The following NUP98 variants were observed in gnomAD, a reference collection of about 807,000 sequenced individuals.
NUP98 encodes nucleoporin 98 and 96 precursor, also known as nuclear pore complex protein Nup98-Nup96.
In NUP98, 26 loss-of-function variants were observed where a neutral mutation model predicts 191.9. The ratio of observed to expected loss-of-function variants is 0.14; its 90% confidence interval spans 0.10 to 0.19. The LOEUF is 0.19. Among genes scored for constraint, NUP98 ranks in the 10% least tolerant of loss-of-function variants. The pLI, the probability that NUP98 is intolerant of heterozygous loss-of-function variation, is 1.00. For synonymous variants in NUP98, 808 were observed against 778.4 expected (o/e 1.04, Z -0.63); for missense variants, 1,941 against 2,178.8 (o/e 0.89, Z 2.17).
At chr11:3,784,798 C>T (rs1430211373) in intron 1 of NUP98, among the ~76,000 whole-genome samples, 1 of 151,698 alleles carries the variant, frequency 6.6e-6, no homozygotes, top group Non-Finnish European at 1.5e-5. Flanking sequence ...ATGTCTAGGG[C>T]TGGGGTACAG....
Position 3,723,216 on chromosome 11 carries a change from T to G in NUP98, c.2087A>C (p.Glu696Ala), listed in dbSNP as rs750587112. Residue 696 changes from glutamate (E) to alanine (A), a missense_variant, in exon 16 of 33, where the codon GAG becomes GCG. Glu to Ala is a moderately radical substitution (Grantham distance 107, BLOSUM62 -1). Around this residue, in one of 6 missense-constraint regions of NUP98, gnomAD observed 453 missense variants for 438.2 expected, o/e 1.03. Transcript: ENST00000324932. ...GSSEETSFHDESLQDDREEIE... is the reference protein window; with the variant it reads ...GSSEETSFHDASLQDDREEIE... ...TTCTTCTCGGTCATCCTGAAGTGAC[T>G]CATCATGAAAAGACGTTTCTTCACT... The G allele has an allele frequency of 5.1e-5, 83 of 1,614,012 alleles. No individual in the cohort carries two copies. The highest frequency in any genetic ancestry group is 1.5e-5 in the Non-Finnish European group (18 of 1,180,028).
chr11:3,679,562 T>G lies in NUP98; in HGVS notation c.5065A>C (p.Ile1689Leu). 1 of 1,614,186 alleles carries G rather than the reference T, an allele frequency of 6.2e-7. No homozygotes were observed. Among genetic ancestry groups the G allele is most frequent in the Non-Finnish European group, 8.5e-7 (1 of 1,180,026 alleles). ...TTCAGGATCTCAGGTACCTGCTGTA[T>G]ATGGCGGAGCATTTCAATGACTCTA... Reference protein sequence around the residue: ...YIRVIEMLRHIQQVDCSGNDL... With the variant: ...YIRVIEMLRHLQQVDCSGNDL... Residue 1689 changes from isoleucine to leucine, a missense_variant, in exon 31 of 33, where the codon ATA becomes CTA. By Grantham distance (5) the Ile-to-Leu change is conservative. Coordinates refer to ENST00000324932, the MANE Select transcript of NUP98 (RefSeq NM_016320.5).
chr11:3,771,921 C>T lies in NUP98; in HGVS notation c.611G>A (p.Arg204His). The stretch of plus-strand genomic sequence containing the variant: ...CCTGTTAGCCTGATAATCCTCTAAA[C>T]GAAGTTCCTGAAGGGAGGGAAAACA... The part of the protein sequence containing the change: ...EYESKSLEEL[R>H]LEDYQANRKG... The change falls in exon 7 of 33, where the codon CGT becomes CAT. Residue 204 changes from arginine to histidine, a missense_variant. Arg to His is a conservative substitution (Grantham distance 29). Around this residue, in one of 6 missense-constraint regions of NUP98, gnomAD observed 28 missense variants for 74.0 expected, o/e 0.38. Coordinates refer to ENST00000324932, the MANE Select transcript of NUP98 (RefSeq NM_016320.5). 6.2e-7 allele frequency: 1 copy of T among 1,613,074 alleles called. No homozygotes were observed. Among genetic ancestry groups the T allele is most frequent in the Non-Finnish European group, 8.5e-7 (1 of 1,179,422 alleles).
intron 20 of NUP98, chr11:3,711,791 T>TC (rs2079028892): frequency 2.2e-6 from 2 of 922,156 alleles, no homozygotes; most frequent in Non-Finnish European, 2.6e-6. Context: ...TACCCTCCCC[T>TC]CCCCTGTACG....
At chr11:3,757,401 C>T (rs527732105) in intron 10 of NUP98, among the ~76,000 whole-genome samples, 2 of 151,602 alleles carry the variant, frequency 1.3e-5, no homozygotes, top group Non-Finnish European at 2.9e-5. Context: ...GTGGGAGGAT[C>T]ACTTGAGCCC....
chr11:3,777,099 C>T (rs1302142339), intron 4 of NUP98, among the ~76,000 whole-genome samples: 1 of 152,072 alleles, frequency 6.6e-6, no homozygotes, highest in Admixed American at 6.5e-5. Flanking sequence ...TTAGAATATA[C>T]AAGTGGTCCT....
Position 3,793,972 on chromosome 11 carries a change from A to AAAATAAAT in NUP98, c.-29+3420_-29+3427dup, listed in dbSNP as rs75347478. On this transcript the variant is annotated intron_variant, in intron 1 of 32. Transcript: ENST00000324932. ...CAACAAGAGCGAAACTCTGTCTCAA[A>AAAATAAAT]AAATAAATAAATAAATAAATACATG... is the stretch of plus-strand genomic sequence containing the variant. Among the ~76,000 whole-genome samples, 420 of 151,998 alleles carry AAAATAAAT rather than the reference A, an allele frequency of 2.8e-3. 4 individuals carry two copies. The highest frequency in any genetic ancestry group is 9.1e-3 in the African/African-American group (375 of 41,420).
At chr11:3,762,864 C>T in intron 9 of NUP98, 38 bp downstream of exon 9, 2 of 1,602,520 alleles carry the variant, frequency 1.2e-6, no homozygotes. Context: ...AACAAATTTA[C>T]ACACATCTTC....
At chr11:3,747,523 T>C (rs1294534153) in intron 11 of NUP98, among the ~76,000 whole-genome samples, 1 of 152,202 alleles carries the variant, frequency 6.6e-6, no homozygotes, top group Non-Finnish European at 1.5e-5. Flanking sequence ...CATGAGTTAA[T>C]GAATGTTTCT....
At chr11:3,783,307 G>C (rs2082037582) in intron 1 of NUP98, among the ~76,000 whole-genome samples, 1 of 152,176 alleles carries the variant, frequency 6.6e-6, no homozygotes, top group Non-Finnish European at 1.5e-5. Context: ...AGGAGCGCTT[G>C]AGCCCAGAAG....
chr11:3,779,293 G>C (rs751105112), intron 2 of NUP98, 36 bp from the exon 3 acceptor site: 3 of 1,460,736 alleles, frequency 2.1e-6, no homozygotes, highest in Admixed American at 3.4e-5. Context: ...TTAGAATTTA[G>C]AATAAAATCT....
rs79676225 is a variant in NUP98 at position 3,790,823 on chromosome 11, A to G, written c.-29+6577T>C. ...ACTTCTGCTTACTGAAATACAAAGG[A>G]TATCAAGGGGCAAACCACCTGTAAT... On this transcript the variant is annotated intron_variant, in intron 1 of 32. Coordinates refer to ENST00000324932, the MANE Select transcript of NUP98 (RefSeq NM_016320.5). 4.0e-3 allele frequency among the ~76,000 whole-genome samples: 612 copies of G among 152,298 alleles called. 2 individuals carry two copies. Among genetic ancestry groups the G allele is most frequent in the African/African-American group, 0.014 (575 of 41,568 alleles).
At chr11:3,769,217 G>A (rs1005300347) in intron 7 of NUP98, among the ~76,000 whole-genome samples, 1 of 152,140 alleles carries the variant, frequency 6.6e-6, no homozygotes, top group African/African-American at 2.4e-5. Context: ...TTGAGGACAG[G>A]AGTTCCTGAA....
chr11:3,748,787 T>G (rs1436642799), intron 11 of NUP98, among the ~76,000 whole-genome samples: 1 of 152,188 alleles, frequency 6.6e-6, no homozygotes, highest in Non-Finnish European at 1.5e-5. Flanking sequence ...GAAACCATTA[T>G]TTGATTTCAG....
chr11:3,795,675 TA>T (rs1270143048), intron 1 of NUP98, among the ~76,000 whole-genome samples: 3 of 151,956 alleles, frequency 2.0e-5, no homozygotes, highest in African/African-American at 4.8e-5. Flanking sequence ...CCAGCCTAAT[TA>T]AAAAAACAGC....
At chr11:3,691,587 T>A in intron 27 of NUP98, 98 bp from the exon 28 acceptor site, 1 of 1,203,038 alleles carries the variant, frequency 8.3e-7, no homozygotes, top group Admixed American at 2.2e-5. Flanking sequence ...GCAGTCTCAC[T>A]CTGTCACCCA....
At chr11:3,759,061 C>T (rs1258046760) in intron 10 of NUP98, among the ~76,000 whole-genome samples, 1 of 152,216 alleles carries the variant, frequency 6.6e-6, no homozygotes, top group East Asian at 1.9e-4. Context: ...TGATCTCTTT[C>T]TCCAGTACAG....
At chr11:3,702,952 T>C in intron 22 of NUP98, 60 bp from the exon 23 acceptor site, 1 of 1,356,760 alleles carries the variant, frequency 7.4e-7, no homozygotes. Context: ...CTATTGTTTC[T>C]TGAACAATAA....
Position 3,742,414 on chromosome 11 carries a change from G to A in NUP98, c.1408+2095C>T, listed in dbSNP as rs548498536. 3.3e-5 allele frequency among the ~76,000 whole-genome samples: 5 copies of A among 152,206 alleles called. No homozygotes were observed. The South Asian group carries it at 1.0e-3, about 32-fold the overall frequency. On this transcript the variant is annotated intron_variant, in intron 12 of 32. Coordinates refer to ENST00000324932, the MANE Select transcript of NUP98 (RefSeq NM_016320.5). ...TCAATTTTATCAATATAAAAATAAA[G>A]ATGGGGCCAGGTGCGGTGGCTCACA...
Sources: gnomAD v4.1 joint callset for allele counts (sites outside exome capture counted in the v4.1 genomes callset) on GRCh38, gnomAD v4.1.1 for gene constraint, gnomAD v4.1.1 regional missense constraint, MANE v1.5 for transcripts, NCBI Gene and HGNC (gene_info 2026-07-23, HGNC 2026-07-21) for gene names.